Variants in RAD50 observed in about 807,000 individuals in gnomAD.
The protein encoded by RAD50 is DNA repair protein RAD50.
A neutral mutation model predicts 168.8 loss-of-function variants in RAD50; 132 were observed. The ratio of observed to expected loss-of-function variants is 0.78; its 90% CI spans 0.68 to 0.90. The LOEUF (loss-of-function observed/expected upper bound fraction) is 0.90. Ranked by LOEUF, RAD50 falls within the 40% of genes least tolerant of loss-of-function variation. RAD50 has a pLI of 0.00. For synonymous variants in RAD50, 525 were observed against 497.4 expected (o/e 1.06, Z -0.74); for missense variants, 1,347 against 1,534.4 (o/e 0.88, Z 2.04).
At chr5:132,620,808 T>A (rs1751272133) in intron 21 of RAD50, among the ~76,000 whole-genome samples, 1 of 152,206 alleles carries the variant, frequency 6.6e-6, no homozygotes, top group Non-Finnish European at 1.5e-5. Context: ...TAACATATAT[T>A]TTGTATGTTA....
rs751592069 is a variant in RAD50, at chr5:132,588,654, GA to G, written c.1052-24del. 70 of 1,571,992 alleles carry G rather than the reference GA, an allele frequency of 4.5e-5. 1 individual carries two copies. Among genetic ancestry groups the G allele is most frequent in the African/African-American group, 2.7e-4 (20 of 73,036 alleles). ...TATCTCAACTTTTTAAGCACCAGTT[GA>G]AAAAAAAATTATGAGATTTTTTTTT... On this transcript the variant is annotated intron_variant, in intron 7 of 24. Transcript: ENST00000378823.
chr5:132,589,953 T>C (rs1288526303), intron 9 of RAD50, 116 bp downstream of exon 9: 11 of 980,436 alleles, frequency 1.1e-5, no homozygotes, highest in Non-Finnish European at 1.4e-5. Flanking sequence ...CTTTGTCTTA[T>C]TCTCATGTAA....
At chr5:132,588,616 G>T (rs1476599897) in intron 7 of RAD50, 71 bp from the exon 8 acceptor site, 3 of 1,409,788 alleles carry the variant, frequency 2.1e-6, no homozygotes, top group Non-Finnish European at 2.9e-6. Flanking sequence ...TTTATAACTC[G>T]TGAATCTGCA....
intron 21 of RAD50, among the ~76,000 whole-genome samples, chr5:132,618,621 A>T (rs1581009824): frequency 6.6e-6 from 1 of 151,844 alleles, no homozygotes; most frequent in Non-Finnish European, 1.5e-5. Flanking sequence ...GAGGTGATCC[A>T]CCCGCCTCGG....
intron 11 of RAD50, chr5:132,592,995 T>C (rs1750731421): frequency 2.5e-6 from 1 of 405,538 alleles, no homozygotes; most frequent in Admixed American, 2.7e-5. Context: ...TTGTTTCTGC[T>C]GTTAATCATT....
At chr5:132,560,383 T>C (rs1317005724) in intron 2 of RAD50, among the ~76,000 whole-genome samples, 2 of 152,240 alleles carry the variant, frequency 1.3e-5, no homozygotes, top group Non-Finnish European at 2.9e-5. Context: ...AAGATAACTC[T>C]GTAATTATGA....
chr5:132,622,590 T>C lies in RAD50; in HGVS notation c.3389+4296T>C, dbSNP rs567873236. ...GTGAGCCACTGTGCCAGGCTTATGA[T>C]GTATTTTCTTCCTTAGTATTTTGAT... On this transcript the variant is annotated intron_variant, in intron 21 of 24. Transcript: ENST00000378823. Among the ~76,000 whole-genome samples the C allele has an allele frequency of 1.7e-3, 266 of 152,342 alleles. 1 individual carries two copies. Among genetic ancestry groups the C allele is most frequent in the African/African-American group, 6.2e-3 (256 of 41,572 alleles).
chr5:132,598,658 T>C (rs1750835419), intron 13 of RAD50, among the ~76,000 whole-genome samples: 1 of 152,208 alleles, frequency 6.6e-6, no homozygotes, highest in South Asian at 2.1e-4. Flanking sequence ...ACAGTGATGC[T>C]CACTATTGTC....
At chr5:132,594,534 G>A (rs1750755571) in intron 11 of RAD50, among the ~76,000 whole-genome samples, 1 of 152,170 alleles carries the variant, frequency 6.6e-6, no homozygotes, top group African/African-American at 2.4e-5. Context: ...TTACGGGGAT[G>A]TTCTCTTGTC....
intron 21 of RAD50, among the ~76,000 whole-genome samples, chr5:132,619,029 T>G (rs977153884): frequency 6.6e-6 from 1 of 152,236 alleles, no homozygotes. Flanking sequence ...GCTTTTTTAT[T>G]TGGATTTGCT....
chr5:132,594,938 G>A lies in RAD50; in HGVS notation c.1863G>A (p.Gln621=). 2.5e-6 allele frequency: 4 copies of A among 1,609,608 alleles called. No homozygotes were observed. Among genetic ancestry groups the A allele is most frequent in the Non-Finnish European group, 3.4e-6 (4 of 1,175,930 alleles). ...INNELKRKEE[Q]LSSYEDKLFD... is the part of the protein sequence containing the mutation. Reference sequence around the variant, plus strand: ...ATGAACTAAAAAGAAAGGAAGAGCAGTTGTCCAGTTACGAAGACAAGCTGT... The same window carrying A: ...ATGAACTAAAAAGAAAGGAAGAGCAATTGTCCAGTTACGAAGACAAGCTGT... The change falls in exon 12 of 25, where the codon CAG becomes CAA. Residue 621 remains glutamine, a synonymous_variant. Transcript: ENST00000378823.
intron 2 of RAD50, among the ~76,000 whole-genome samples, chr5:132,567,793 C>T (rs1241279245): frequency 6.6e-6 from 1 of 152,144 alleles, no homozygotes; most frequent in Non-Finnish European, 1.5e-5. Context: ...CTCAGAAAGG[C>T]CCACCTAACA....
At chr5:132,568,943 G>C (rs1051499428) in intron 2 of RAD50, among the ~76,000 whole-genome samples, 1 of 152,168 alleles carries the variant, frequency 6.6e-6, no homozygotes, top group Non-Finnish European at 1.5e-5. Flanking sequence ...AGGTTCAAAA[G>C]AATCCAACTG....
At chr5:132,557,657 G>C (rs1750029843) in intron 1 of RAD50, among the ~76,000 whole-genome samples, 1 of 152,172 alleles carries the variant, frequency 6.6e-6, no homozygotes, top group Admixed American at 6.5e-5. Context: ...GTCCGGACCT[G>C]GCCTGGGGAC....
intron 21 of RAD50, among the ~76,000 whole-genome samples, chr5:132,620,066 G>A (rs973038597): frequency 3.3e-5 from 5 of 151,390 alleles, no homozygotes; most frequent in African/African-American, 7.3e-5. Context: ...CACTACGCCC[G>A]GCTAATTTTA....
intron 1 of RAD50, among the ~76,000 whole-genome samples, 159 bp downstream of exon 1, chr5:132,557,612 C>G (rs1055849765): frequency 6.6e-6 from 1 of 152,176 alleles, no homozygotes; most frequent in Non-Finnish European, 1.5e-5. Flanking sequence ...GCTACAGCGA[C>G]CTTAGGAGTT....
chr5:132,601,029 A>T (rs1453023426), intron 13 of RAD50, among the ~76,000 whole-genome samples: 1 of 152,090 alleles, frequency 6.6e-6, no homozygotes, highest in Non-Finnish European at 1.5e-5. Context: ...TTTAAAAAAA[A>T]GAAAAACAAA....
intron 21 of RAD50, among the ~76,000 whole-genome samples, chr5:132,622,263 C>G (rs1433050151): frequency 6.6e-6 from 1 of 151,958 alleles, no homozygotes; most frequent in Non-Finnish European, 1.5e-5. Context: ...TGAGTTCAAG[C>G]AGTTCTCATT....
At position 132,591,957 on chromosome 5, in the gene RAD50, C is replaced by CA. The variant is rs587782543; in HGVS notation, c.1722dup (p.Gln575ThrfsTer3). 3 of 1,611,414 alleles carry CA rather than the reference C, an allele frequency of 1.9e-6. No homozygotes were observed. Among genetic ancestry groups the CA allele is most frequent in the Admixed American group, 1.7e-5 (1 of 59,966 alleles). On this transcript the variant is annotated frameshift_variant, in exon 11 of 25. Coordinates refer to ENST00000378823, the MANE Select transcript of RAD50 (RefSeq NM_005732.4). LOFTEE classifies it high-confidence loss of function. ...CCTCACTGTTGGGATATTTTCCCAA[C>CA]AAAAAACAGCTTGAAGACTGGCTAC...
Sources: allele counts gnomAD v4.1 joint callset (sites outside exome capture counted in the v4.1 genomes callset), GRCh38; gene constraint gnomAD v4.1.1; transcripts MANE v1.5; gene names NCBI Gene and HGNC (gene_info 2026-07-23, HGNC 2026-07-21).